NEDD4L: variants seen among roughly 807,000 people sequenced by gnomAD.
NEDD4L encodes the protein E3 ubiquitin-protein ligase NEDD4-like.
Under a neutral mutation model 148.9 loss-of-function variants are expected in NEDD4L, and 54 were observed. The ratio of observed to expected loss-of-function variants is 0.36; its 90% CI spans 0.29 to 0.45. The LOEUF (loss-of-function observed/expected upper bound fraction) is 0.45. NEDD4L is among the 20% of genes least tolerant of loss of function. NEDD4L has a pLI of 1.00. For missense variants in NEDD4L, 856 were observed against 1,233.8 expected, an observed-to-expected ratio of 0.69 and a Z score of 4.59; for synonymous variants, 433 against 440.7, an observed-to-expected ratio of 0.98 and a Z score of 0.22.
At chr18:58,194,278 C>A (rs146566133) in intron 2 of NEDD4L, among the ~76,000 whole-genome samples, 21 of 152,280 alleles carry the variant, frequency 1.4e-4, no homozygotes, top group African/African-American at 4.8e-4. Flanking sequence ...GATGGTGATG[C>A]GGCCTCTTGG....
At chr18:58,067,143 A>G (rs1175822061) in intron 1 of NEDD4L, among the ~76,000 whole-genome samples, 1 of 152,264 alleles carries the variant, frequency 6.6e-6, no homozygotes, top group Non-Finnish European at 1.5e-5. Flanking sequence ...GAAGAAAGAG[A>G]AGTATAACAA....
chr18:58,245,846 A>ATTTTTTTTTTT (rs58940181), intron 3 of NEDD4L, among the ~76,000 whole-genome samples: 148 of 91,526 alleles, frequency 1.6e-3, no homozygotes, highest in African/African-American at 2.1e-3. Flanking sequence ...ATGCCTGGCT[A>ATTTTTTTTTTT]TTTTTTTTTT....
At chr18:58,298,310 T>A (rs11664664) in intron 5 of NEDD4L, among the ~76,000 whole-genome samples, 17,335 of 152,198 alleles carry the variant, frequency 0.11, 1,073 homozygotes, top group African/African-American at 0.15. Flanking sequence ...TAATGCATGA[T>A]ACAGATAGTA....
At chr18:58,140,143 C>T (rs2033332099) in intron 1 of NEDD4L, among the ~76,000 whole-genome samples, 1 of 152,124 alleles carries the variant, frequency 6.6e-6, no homozygotes, top group Non-Finnish European at 1.5e-5. Flanking sequence ...CATACCTATA[C>T]CTAGTCCCAG....
chr18:58,165,881 AT>A lies in NEDD4L; in HGVS notation c.122+23del. The A allele has an allele frequency of 6.3e-7, 1 of 1,581,236 alleles. No individual in the cohort carries two copies. Among genetic ancestry groups the A allele is most frequent in the Non-Finnish European group, 8.6e-7 (1 of 1,158,910 alleles). On this transcript the variant is annotated intron_variant, in intron 2 of 30. Coordinates refer to ENST00000400345, the MANE Select transcript of NEDD4L (RefSeq NM_001144967.3). ...AGCCAGGTATGTTGGCTTTGTTTTTATTTCTGTGGACTTCTGAAAAATTGAC... is the reference window on the plus strand; with the variant it reads ...AGCCAGGTATGTTGGCTTTGTTTTTATTCTGTGGACTTCTGAAAAATTGAC...
chr18:58,270,998 A>G (rs189039422), intron 5 of NEDD4L, among the ~76,000 whole-genome samples: 1 of 152,244 alleles, frequency 6.6e-6, no homozygotes, highest in African/African-American at 2.4e-5. Flanking sequence ...AGATTTTTGT[A>G]AGATTTGGAT....
intron 5 of NEDD4L, among the ~76,000 whole-genome samples, chr18:58,273,143 A>G (rs1050261321): frequency 3.0e-4 from 45 of 152,210 alleles, no homozygotes; most frequent in Non-Finnish European, 2.4e-4. Flanking sequence ...GGATCATCCA[A>G]GTGAGTGGAG....
At chr18:58,149,864 G>A (rs1366634039) in intron 1 of NEDD4L, among the ~76,000 whole-genome samples, 2 of 152,152 alleles carry the variant, frequency 1.3e-5, no homozygotes, top group Admixed American at 1.3e-4. Context: ...CGTGACAGTT[G>A]TGAATTTTTC....
Position 58,165,640 on chromosome 18 carries a change from G to A in NEDD4L, c.49-148G>A, listed in dbSNP as rs1416852630. The A allele has an allele frequency of 1.6e-5, 24 of 1,521,588 alleles. No homozygotes were observed. In the Admixed American group the frequency reaches 2.2e-4, roughly 14 times the overall value. The allele number at this position is 1,521,588 out of a possible 1,614,324, so 94.3% of individuals were successfully genotyped here. The stretch of plus-strand genomic sequence containing the variant: ...CTGGAATATTGCTTTTTGAACTTCA[G>A]TGTAAGGAAGAATTGCTTATGCTCG... On this transcript the variant is annotated intron_variant, in intron 1 of 30. Transcript: ENST00000400345.
chr18:58,342,868 C>T lies in NEDD4L; in HGVS notation c.1378-38C>T, dbSNP rs1186632010. ...TACATTTTGGCACATTGGAATCGCA[C>T]ATGCTAAAGAGTTCTAATCCTCATT... On this transcript the variant is annotated intron_variant, in intron 15 of 30. Transcript: ENST00000400345. The T allele has an allele frequency of 2.0e-6, 3 of 1,476,084 alleles. No individual in the cohort carries two copies. The Admixed American group carries it at 6.6e-5, about 32-fold the overall frequency. The allele number at this position is 1,476,084 out of a possible 1,614,324, so 91.4% of individuals were successfully genotyped here.
At chr18:58,183,655 C>T (rs1490161431) in intron 2 of NEDD4L, among the ~76,000 whole-genome samples, 1 of 152,188 alleles carries the variant, frequency 6.6e-6, no homozygotes, top group African/African-American at 2.4e-5. Flanking sequence ...ACGCATGGGC[C>T]TGTAAATAGC....
At chr18:58,190,940 A>T (rs2040038962) in intron 2 of NEDD4L, among the ~76,000 whole-genome samples, 1 of 152,156 alleles carries the variant, frequency 6.6e-6, no homozygotes, top group Non-Finnish European at 1.5e-5. Flanking sequence ...GTGAGACCCC[A>T]TACCTACAGA....
chr18:58,163,615 T>C (rs1052124942), intron 1 of NEDD4L, among the ~76,000 whole-genome samples: 1 of 152,216 alleles, frequency 6.6e-6, no homozygotes, highest in African/African-American at 2.4e-5. Flanking sequence ...ACCTTGAAAG[T>C]AGGCCATGTT....
chr18:58,300,593 C>T (rs148017055), intron 5 of NEDD4L, among the ~76,000 whole-genome samples: 143 of 152,278 alleles, frequency 9.4e-4, no homozygotes, highest in Admixed American at 3.4e-3. Flanking sequence ...CTGTCTTTCT[C>T]AGTGCTCAGT....
chr18:58,134,725 ATTTTTTCTTTTAATC>A (rs1732565553), intron 1 of NEDD4L, among the ~76,000 whole-genome samples: 1 of 142,024 alleles, frequency 7.0e-6, no homozygotes, highest in Non-Finnish European at 1.5e-5. Flanking sequence ...TTCCCCTTCT[ATTTTTTCTTTTAATC>A]TTTTTTCTTT....
chr18:58,145,524 A>G (rs78169987), intron 1 of NEDD4L, among the ~76,000 whole-genome samples: 4,287 of 152,314 alleles, frequency 0.028, 208 homozygotes, highest in African/African-American at 0.098. Flanking sequence ...ATGTCAAAGT[A>G]TTAGTACTTT....
chr18:58,228,523 T>G (rs182383), intron 2 of NEDD4L, among the ~76,000 whole-genome samples: 1 of 152,084 alleles, frequency 6.6e-6, no homozygotes, highest in Non-Finnish European at 1.5e-5. Context: ...AAAGAACCAG[T>G]GCAGAGTGGG....
rs557732882 is a variant in NEDD4L, at chr18:58,056,726, A to G, written c.48+12018A>G. Among the ~76,000 whole-genome samples the G allele has an allele frequency of 7.2e-5, 11 of 152,082 alleles. No homozygotes were observed. The East Asian group carries it at 2.1e-3, about 29-fold the overall frequency. ...CTCCCGAGTAGCTGGGACTACAGGC[A>G]TGTACCACCACACCCAGCTAATTTT... On this transcript the variant is annotated intron_variant, in intron 1 of 30. Transcript: ENST00000400345.
intron 5 of NEDD4L, among the ~76,000 whole-genome samples, chr18:58,284,102 C>A (rs545754777): frequency 6.6e-6 from 1 of 152,310 alleles, no homozygotes; most frequent in East Asian, 1.9e-4. Context: ...TCTTGGACTT[C>A]CAGCCTCCAG....
Sources: allele counts gnomAD v4.1 joint callset (sites outside exome capture counted in the v4.1 genomes callset), GRCh38; gene constraint gnomAD v4.1.1; transcripts MANE v1.5; gene names NCBI Gene and HGNC (gene_info 2026-07-23, HGNC 2026-07-21).